MYLK4: variants seen among roughly 807,000 people sequenced by gnomAD.
The protein encoded by MYLK4 is myosin light chain kinase family member 4, also known as caMLCK like.
MYLK4 carries 46 observed loss-of-function variants against 48.1 expected under a neutral mutation model. That is an observed-to-expected ratio of 0.96 (90% CI 0.75 to 1.22). The LOEUF (loss-of-function observed/expected upper bound fraction) is 1.22. MYLK4 is among the 50% of genes most tolerant of loss of function. The pLI is 0.00. For synonymous variants in MYLK4, 170 were observed against 180.8 expected (o/e 0.94, Z 0.48); for missense variants, 451 against 486.1 (o/e 0.93, Z 0.68).
At chr6:2,704,731 G>A (rs1197790226) in intron 2 of MYLK4, among the ~76,000 whole-genome samples, 1 of 152,172 alleles carries the variant, frequency 6.6e-6, no homozygotes, top group African/African-American at 2.4e-5. Context: ...TTTCCAGAAG[G>A]CAAGAGCAGG....
At chr6:2,736,286 G>A (rs1019681256) in intron 2 of MYLK4, among the ~76,000 whole-genome samples, 3 of 152,100 alleles carry the variant, frequency 2.0e-5, no homozygotes, top group South Asian at 2.1e-4. Flanking sequence ...ATGGAGTCTC[G>A]CTCTGTCACC....
chr6:2,762,759 C>A, the MYLK4 span, among the ~76,000 whole-genome samples: 1 of 152,186 alleles, frequency 6.6e-6, no homozygotes, highest in African/African-American at 2.4e-5. Flanking sequence ...TTTCTGGTAG[C>A]TTCCTGATCT....
At chr6:2,768,654 C>A in the MYLK4 span, 3 of 1,549,564 alleles carry the variant, frequency 1.9e-6, no homozygotes, top group Non-Finnish European at 2.6e-6. Context: ...CTGTGTCTTA[C>A]CAGCTTTTCA....
chr6:2,749,403 T>C lies in MYLK4; in HGVS notation c.-109A>G. ...TATGACTCTTCAGTGCTTCTTTCTC[T>C]TGACTGCAAAGAAAGGAAACACAAA... On this transcript the variant is annotated 5_prime_UTR_variant, in exon 2 of 13. Transcript: ENST00000274643. 1 of 808,178 alleles carries C rather than the reference T, an allele frequency of 1.2e-6. No individual in the cohort carries two copies. Among genetic ancestry groups the C allele is most frequent in the African/African-American group, 1.7e-5 (1 of 58,746 alleles). The allele number at this position is 808,178 out of a possible 1,614,324, so 50.1% of individuals were successfully genotyped here. A position where few individuals can be genotyped will look rare whatever the true frequency, so the allele number is the denominator to read the frequency against.
chr6:2,710,658 C>A (rs1050780581), intron 2 of MYLK4, among the ~76,000 whole-genome samples: 20 of 148,638 alleles, frequency 1.3e-4, no homozygotes, highest in Non-Finnish European at 2.8e-4. Context: ...TCTCCCATCT[C>A]CTTGGCTGCA....
intron 6 of MYLK4, 43 bp from the exon 7 acceptor site, chr6:2,683,205 T>A (rs898772): frequency 0.98 from 1,572,035 of 1,611,394 alleles, 767,301 homozygotes; most frequent in East Asian, 1. Flanking sequence ...CCGATTTCCT[T>A]ACCACCATGT....
At chr6:2,721,548 GT>G (rs1334592887) in intron 2 of MYLK4, among the ~76,000 whole-genome samples, 1 of 152,048 alleles carries the variant, frequency 6.6e-6, no homozygotes, top group African/African-American at 2.4e-5. Flanking sequence ...TTTTCTTTTT[GT>G]GTTATAAAAG....
At chr6:2,684,283 T>C (rs1216475306) in intron 6 of MYLK4, among the ~76,000 whole-genome samples, 2 of 152,202 alleles carry the variant, frequency 1.3e-5, no homozygotes, top group African/African-American at 4.8e-5. Context: ...ATTCACGTCC[T>C]GGGTGGGACC....
At chr6:2,731,203 T>C (rs1763467325) in intron 2 of MYLK4, among the ~76,000 whole-genome samples, 1 of 152,150 alleles carries the variant, frequency 6.6e-6, no homozygotes. Flanking sequence ...ATTTCGTTTC[T>C]AAGAAGTCCC....
At position 2,678,276 on chromosome 6, in the gene MYLK4, C is replaced by T; in HGVS notation, c.984G>A (p.Gln328=). The change falls in exon 10 of 13, where the codon CAG becomes CAA. Residue 328 remains glutamine, a synonymous_variant. Transcript: ENST00000274643. ...ACTCCTTGGCCTCCTCCGAGATGTC[C>T]TGAAATTCTTCATCCTCTAAGTCCC... The part of the protein sequence containing the change: ...CRWDLEDEEF[Q]DISEEAKEFI... 1 of 1,614,130 alleles carries T rather than the reference C, an allele frequency of 6.2e-7. No individual in the cohort carries two copies. The highest frequency in any genetic ancestry group is 8.5e-7 in the Non-Finnish European group (1 of 1,180,020).
rs149871302 is a variant in MYLK4, at chr6:2,714,903, A to T, written c.160-22044T>A. Among the ~76,000 whole-genome samples the T allele has an allele frequency of 6.4e-3, 976 of 152,360 alleles. 4 individuals are homozygous for T. Among genetic ancestry groups the T allele is most frequent in the Non-Finnish European group, 0.011 (751 of 68,034 alleles). On this transcript the variant is annotated intron_variant, in intron 2 of 12. Transcript: ENST00000274643. ...CATTCCATTTACAGTAGTCAAATTCATAGAGACAGAAAGTAGAACAGTGGT... is the reference window on the plus strand; with the variant it reads ...CATTCCATTTACAGTAGTCAAATTCTTAGAGACAGAAAGTAGAACAGTGGT...
chr6:2,725,668 A>AATTTT, intron 2 of MYLK4, among the ~76,000 whole-genome samples: 2 of 147,998 alleles, frequency 1.4e-5, no homozygotes, highest in South Asian at 4.3e-4. Flanking sequence ...AAAGAAAGAA[A>AATTTT]GAAAAATTTT....
intron 2 of MYLK4, among the ~76,000 whole-genome samples, chr6:2,710,677 AT>A (rs11297985): frequency 0.21 from 32,388 of 152,072 alleles, 3,553 homozygotes; most frequent in African/African-American, 0.27. Flanking sequence ...CAGCACCCAA[AT>A]AAAGCCTTCT....
chr6:2,679,703 A>G (rs1363196452), intron 8 of MYLK4, among the ~76,000 whole-genome samples: 1 of 152,244 alleles, frequency 6.6e-6, no homozygotes, highest in Non-Finnish European at 1.5e-5. Context: ...AGGAAAACTG[A>G]TATAGTCATT....
At position 2,675,838 on chromosome 6, in the gene MYLK4, A is replaced by C. The variant is rs560301150; in HGVS notation, c.1041-713T>G. Among the ~76,000 whole-genome samples the C allele has an allele frequency of 2.6e-5, 4 of 152,318 alleles. No individual in the cohort carries two copies. The South Asian group carries it at 8.3e-4, about 32-fold the overall frequency. On this transcript the variant is annotated intron_variant, in intron 10 of 12. Transcript: ENST00000274643. ...CCAGGTGCAATGGCTCATGCCTGTA[A>C]TCCCAGCACTTTGGGAGGCCGAGGC...
chr6:2,762,982 A>C, the MYLK4 span, among the ~76,000 whole-genome samples: 660 of 150,630 alleles, frequency 4.4e-3, 23 homozygotes, highest in East Asian at 0.091. Flanking sequence ...TAAAAGAACA[A>C]AACACCCACA....
chr6:2,766,564 G>T, the MYLK4 span: 4 of 1,396,130 alleles, frequency 2.9e-6, no homozygotes, highest in South Asian at 1.6e-5. Context: ...GGATAAGGGG[G>T]TGCAGACTTG....
chr6:2,750,168 T>C (rs1764242986), intron 1 of MYLK4, among the ~76,000 whole-genome samples: 1 of 152,222 alleles, frequency 6.6e-6, no homozygotes, highest in East Asian at 1.9e-4. Flanking sequence ...GGCTGACAAC[T>C]GAGGCCCCCT....
intron 2 of MYLK4, among the ~76,000 whole-genome samples, chr6:2,726,605 A>ATTTTTTTTTTTTTT (rs70995390): frequency 8.5e-6 from 1 of 118,282 alleles, no homozygotes; most frequent in African/African-American, 3.2e-5. Flanking sequence ...CTACTATACA[A>ATTTTTTTTTTTTTT]TTTTTTTTTT....
Sources: gnomAD v4.1 joint callset for allele counts (sites outside exome capture counted in the v4.1 genomes callset) on GRCh38, gnomAD v4.1.1 for gene constraint, MANE v1.5 for transcripts, NCBI Gene and HGNC (gene_info 2026-07-23, HGNC 2026-07-21) for gene names.